The following RGS7BP variants were observed in gnomAD, a reference collection of about 807,000 sequenced individuals.
RGS7BP encodes regulator of G protein signaling 7 binding protein, also known as regulator of G protein signaling 7-binding protein.
RGS7BP carries 9 observed loss-of-function variants against 31.3 expected under a neutral mutation model. The ratio of observed to expected loss-of-function variants is 0.29; its 90% CI spans 0.17 to 0.50. The LOEUF (loss-of-function observed/expected upper bound fraction) is 0.50. RGS7BP is among the 20% of genes least tolerant of loss of function. RGS7BP has a pLI of 0.98. For synonymous variants in RGS7BP, 115 were observed against 120.1 expected (o/e 0.96, Z 0.28); for missense variants, 274 against 322.0 (o/e 0.85, Z 1.14).
chr5:64,529,222 T>C (rs1185429013), intron 2 of RGS7BP, among the ~76,000 whole-genome samples: 1 of 152,206 alleles, frequency 6.6e-6, no homozygotes, highest in East Asian at 1.9e-4. Flanking sequence ...AATAGAATAT[T>C]TCATTTCAGA....
At chr5:64,540,621 CA>C (rs1185544224) in intron 2 of RGS7BP, among the ~76,000 whole-genome samples, 1 of 152,064 alleles carries the variant, frequency 6.6e-6, no homozygotes, top group Non-Finnish European at 1.5e-5. Flanking sequence ...TATTGACCTC[CA>C]AAAAGATTAT....
At chr5:64,550,768 C>G (rs552261228) in intron 2 of RGS7BP, among the ~76,000 whole-genome samples, 1 of 137,694 alleles carries the variant, frequency 7.3e-6, no homozygotes, top group East Asian at 2.4e-4. Flanking sequence ...GTGTGATGTT[C>G]CCCTTCCTGT....
At chr5:64,594,580 G>T in intron 3 of RGS7BP, 130 bp from the exon 4 acceptor site, 1 of 775,586 alleles carries the variant, frequency 1.3e-6, no homozygotes, top group Non-Finnish European at 2.2e-6. Flanking sequence ...TTATTACTCA[G>T]AAAGCTATTA....
chr5:64,513,820 A>G (rs1378402636), intron 2 of RGS7BP, among the ~76,000 whole-genome samples: 3 of 152,274 alleles, frequency 2.0e-5, no homozygotes, highest in Non-Finnish European at 4.4e-5. Context: ...TCACTGGTCA[A>G]ATAGTGAAAG....
intron 3 of RGS7BP, among the ~76,000 whole-genome samples, chr5:64,577,179 C>G (rs191488055): frequency 6.6e-6 from 1 of 152,334 alleles, no homozygotes; most frequent in Non-Finnish European, 1.5e-5. Context: ...TGGCTCACGC[C>G]TGTAATCCCA....
At chr5:64,529,375 T>C (rs1368164929) in intron 2 of RGS7BP, among the ~76,000 whole-genome samples, 1 of 152,220 alleles carries the variant, frequency 6.6e-6, no homozygotes, top group Non-Finnish European at 1.5e-5. Flanking sequence ...ATAATGACTG[T>C]ATCTTGGCTT....
intron 2 of RGS7BP, among the ~76,000 whole-genome samples, chr5:64,559,726 C>A (rs964136146): frequency 3.9e-5 from 6 of 152,188 alleles, no homozygotes; most frequent in Middle Eastern, 6.8e-3. Context: ...GCAAAACAAG[C>A]TTTACCGATG....
intron 3 of RGS7BP, among the ~76,000 whole-genome samples, chr5:64,581,500 G>T (rs1357249682): frequency 6.6e-6 from 1 of 152,144 alleles, no homozygotes; most frequent in Non-Finnish European, 1.5e-5. Context: ...ATAGAATTAT[G>T]TACCTCACTT....
chr5:64,563,222 T>A (rs951012778), intron 2 of RGS7BP, among the ~76,000 whole-genome samples: 3 of 152,112 alleles, frequency 2.0e-5, no homozygotes, highest in Admixed American at 2.0e-4. Context: ...TATGAATTAA[T>A]CTTTGAACGC....
At chr5:64,526,106 C>T (rs576622074) in intron 2 of RGS7BP, among the ~76,000 whole-genome samples, 14 of 152,240 alleles carry the variant, frequency 9.2e-5, no homozygotes, top group Admixed American at 3.3e-4. Flanking sequence ...TATTATATTA[C>T]GGGTGACGTC....
At chr5:64,585,731 A>C (rs974239770) in intron 3 of RGS7BP, among the ~76,000 whole-genome samples, 11 of 152,190 alleles carry the variant, frequency 7.2e-5, no homozygotes, top group Admixed American at 6.5e-4. Flanking sequence ...GCTTCCCTTA[A>C]ATTTTCCTCA....
chr5:64,530,360 A>G (rs1280173824), intron 2 of RGS7BP, among the ~76,000 whole-genome samples: 1 of 152,258 alleles, frequency 6.6e-6, no homozygotes, highest in Non-Finnish European at 1.5e-5. Context: ...ATTATATAGA[A>G]GAGATATTAT....
intron 4 of RGS7BP, 69 bp downstream of exon 4, chr5:64,594,926 A>G: frequency 6.6e-7 from 1 of 1,510,422 alleles, no homozygotes; most frequent in Non-Finnish European, 9.1e-7. Flanking sequence ...GGCCACAGAG[A>G]GACGAGGTTT....
At chr5:64,604,874 G>T (rs1743313459) in intron 5 of RGS7BP, among the ~76,000 whole-genome samples, 1 of 152,036 alleles carries the variant, frequency 6.6e-6, no homozygotes, top group Admixed American at 6.6e-5. Flanking sequence ...TAGCATTCAA[G>T]AATTAAATGT....
At chr5:64,560,546 T>TAC (rs1446988052) in intron 2 of RGS7BP, among the ~76,000 whole-genome samples, 9 of 71,236 alleles carry the variant, frequency 1.3e-4, no homozygotes, top group Non-Finnish European at 2.3e-4. Context: ...TATCATTGTA[T>TAC]ATATATATAT....
chr5:64,586,946 A>G (rs376319268), intron 3 of RGS7BP, among the ~76,000 whole-genome samples: 1 of 152,214 alleles, frequency 6.6e-6, no homozygotes, highest in East Asian at 1.9e-4. Flanking sequence ...GGGTAGGGTA[A>G]CTACTGTATG....
At chr5:64,532,299 T>C (rs1749391074) in intron 2 of RGS7BP, among the ~76,000 whole-genome samples, 1 of 67,550 alleles carries the variant, frequency 1.5e-5, no homozygotes, top group South Asian at 4.4e-4. Context: ...TGTAATATCC[T>C]TTTTTTTTTT....
intron 5 of RGS7BP, among the ~76,000 whole-genome samples, chr5:64,604,190 C>T (rs867574551): frequency 9.2e-5 from 14 of 152,122 alleles, no homozygotes; most frequent in Admixed American, 7.9e-4. Flanking sequence ...TCACACTGTT[C>T]TCTCCATTCT....
intron 2 of RGS7BP, among the ~76,000 whole-genome samples, chr5:64,553,875 G>T (rs1156918526): frequency 6.6e-6 from 1 of 152,086 alleles, no homozygotes; most frequent in African/African-American, 2.4e-5. Context: ...AATCTTCAGG[G>T]TCAAAAATGA....
Sources: allele counts gnomAD v4.1 joint callset (sites outside exome capture counted in the v4.1 genomes callset), GRCh38; gene constraint gnomAD v4.1.1; transcripts MANE v1.5; gene names NCBI Gene and HGNC (gene_info 2026-07-23, HGNC 2026-07-21).